The following TENM2 variants were observed in gnomAD, a reference collection of about 807,000 sequenced individuals.
TENM2 encodes the protein teneurin transmembrane protein 2, also known as teneurin-2.
In TENM2, 52 loss-of-function variants were observed where a neutral mutation model predicts 245.2. That is an observed-to-expected ratio of 0.21 (90% CI 0.17 to 0.27). TENM2 has a LOEUF of 0.27. Among genes scored for constraint, TENM2 ranks in the 10% least tolerant of loss-of-function variants. TENM2 has a pLI of 1.00. For missense variants in TENM2, 3,046 were observed against 3,666.8 expected (o/e 0.83, Z 4.37); for synonymous variants, 1,363 against 1,438.9 (o/e 0.95, Z 1.19).
chr5:167,260,418 C>T, the TENM2 span, among the ~76,000 whole-genome samples: 1 of 152,132 alleles, frequency 6.6e-6, no homozygotes, highest in Non-Finnish European at 1.5e-5. Flanking sequence ...ACCACTATGT[C>T]ACTGTAATTA....
chr5:168,233,956 G>C (rs568544262), intron 25 of TENM2, among the ~76,000 whole-genome samples: 15 of 152,154 alleles, frequency 9.9e-5, no homozygotes, highest in Middle Eastern at 3.4e-3. Context: ...ACCTCCCCCT[G>C]GGTCCCTCCC....
At chr5:167,326,688 T>A (rs557152634) in intron 1 of TENM2, among the ~76,000 whole-genome samples, 153 of 132,384 alleles carry the variant, frequency 1.2e-3, no homozygotes, top group African/African-American at 2.5e-3. Flanking sequence ...TAATAATAAT[T>A]ATAATAATAA....
At chr5:167,795,669 A>AAAG (rs1278170183) in intron 2 of TENM2, among the ~76,000 whole-genome samples, 2 of 152,112 alleles carry the variant, frequency 1.3e-5, no homozygotes, top group Non-Finnish European at 2.9e-5. Flanking sequence ...CCCAAAAGTA[A>AAAG]AAGAAAGAAA....
At chr5:167,367,480 A>AAT (rs987140955) in intron 1 of TENM2, among the ~76,000 whole-genome samples, 32 of 152,128 alleles carry the variant, frequency 2.1e-4, no homozygotes, top group African/African-American at 7.5e-4. Flanking sequence ...CATTTGGGAA[A>AAT]ATATCTAAAT....
chr5:167,532,695 T>G (rs1771587725), intron 2 of TENM2, among the ~76,000 whole-genome samples: 1 of 151,616 alleles, frequency 6.6e-6, no homozygotes, highest in Non-Finnish European at 1.5e-5. Context: ...TATATGTGTA[T>G]ATATACATAT....
At chr5:167,506,751 T>A (rs1769580725) in intron 2 of TENM2, among the ~76,000 whole-genome samples, 1 of 152,172 alleles carries the variant, frequency 6.6e-6, no homozygotes, top group Non-Finnish European at 1.5e-5. Context: ...TGAATTCTTG[T>A]TTAATTTCTT....
At chr5:168,106,568 A>G (rs1253700047) in intron 9 of TENM2, among the ~76,000 whole-genome samples, 1 of 152,218 alleles carries the variant, frequency 6.6e-6, no homozygotes, top group East Asian at 1.9e-4. Flanking sequence ...TGGGATTCCA[A>G]CCAGGCAGTC....
the TENM2 span, among the ~76,000 whole-genome samples, chr5:167,048,826 C>G: frequency 6.6e-6 from 1 of 151,988 alleles, no homozygotes; most frequent in East Asian, 1.9e-4. Context: ...GGCATTGGAC[C>G]AGAAGATGTC....
intron 5 of TENM2, among the ~76,000 whole-genome samples, chr5:168,021,062 C>G (rs1786100760): frequency 6.6e-6 from 1 of 152,190 alleles, no homozygotes; most frequent in African/African-American, 2.4e-5. Flanking sequence ...AAGTCAGGAG[C>G]AGGCTAGGAA....
At chr5:167,182,282 A>G in the TENM2 span, among the ~76,000 whole-genome samples, 63 of 152,244 alleles carry the variant, frequency 4.1e-4, no homozygotes, top group Non-Finnish European at 7.9e-4. Context: ...AATTGAGTAA[A>G]TGTGAAATTA....
chr5:167,216,790 G>A, the TENM2 span, among the ~76,000 whole-genome samples: 1 of 152,046 alleles, frequency 6.6e-6, no homozygotes, highest in African/African-American at 2.4e-5. Context: ...AGTCATGTGT[G>A]GTGGTGCACA....
intron 2 of TENM2, among the ~76,000 whole-genome samples, chr5:167,674,250 A>C (rs1348310720): frequency 2.0e-5 from 3 of 152,076 alleles, no homozygotes; most frequent in African/African-American, 7.2e-5. Context: ...AAGACAAATG[A>C]ATTTCCAGGA....
At chr5:167,430,485 A>C (rs1321089008) in intron 2 of TENM2, among the ~76,000 whole-genome samples, 1 of 152,010 alleles carries the variant, frequency 6.6e-6, no homozygotes, top group Admixed American at 6.6e-5. Flanking sequence ...AATTTTTGAC[A>C]ATTTTCTCTG....
intron 2 of TENM2, among the ~76,000 whole-genome samples, chr5:167,861,672 C>G (rs1771823035): frequency 6.6e-6 from 1 of 152,156 alleles, no homozygotes; most frequent in Non-Finnish European, 1.5e-5. Context: ...CTTTCCAGCT[C>G]AACACTGTAA....
chr5:168,146,509 A>G (rs547663626), intron 12 of TENM2, among the ~76,000 whole-genome samples: 2 of 152,278 alleles, frequency 1.3e-5, no homozygotes, highest in Admixed American at 6.5e-5. Context: ...CTCATCTTAT[A>G]CCAAATCAGT....
At chr5:167,335,246 A>T (rs567583901) in intron 1 of TENM2, among the ~76,000 whole-genome samples, 10 of 152,220 alleles carry the variant, frequency 6.6e-5, no homozygotes, top group African/African-American at 2.4e-4. Context: ...GAGGTGCCAC[A>T]CATTTTAAAA....
chr5:167,392,691 C>G (rs1761828221), intron 2 of TENM2, among the ~76,000 whole-genome samples: 1 of 152,038 alleles, frequency 6.6e-6, no homozygotes, highest in Non-Finnish European at 1.5e-5. Flanking sequence ...GATATATATT[C>G]TATTATTTTT....
intron 2 of TENM2, among the ~76,000 whole-genome samples, chr5:167,680,809 T>C (rs1244613573): frequency 1.3e-5 from 2 of 152,200 alleles, no homozygotes; most frequent in African/African-American, 2.4e-5. Flanking sequence ...AGATCCCCTG[T>C]GTAACTGAGT....
chr5:167,239,701 GAAGA>G, the TENM2 span, among the ~76,000 whole-genome samples: 3 of 152,168 alleles, frequency 2.0e-5, no homozygotes, highest in Non-Finnish European at 4.4e-5. Context: ...CTCAATAAAT[GAAGA>G]AACAGTTGAG....
Sources: allele counts gnomAD v4.1 joint callset (sites outside exome capture counted in the v4.1 genomes callset), GRCh38; gene constraint gnomAD v4.1.1; transcripts MANE v1.5; gene names NCBI Gene and HGNC (gene_info 2026-07-23, HGNC 2026-07-21).